The following TTC29 variants were observed in gnomAD, a reference collection of about 807,000 sequenced individuals.
TTC29 encodes the protein tetratricopeptide repeat domain 29, also known as tetratricopeptide repeat protein 29.
TTC29 carries 49 observed loss-of-function variants against 58.1 expected under a neutral mutation model. The ratio of observed to expected loss-of-function variants is 0.84; its 90% CI spans 0.67 to 1.07. TTC29 has a LOEUF of 1.07. Among genes scored for constraint, TTC29 ranks in the 50% least tolerant of loss-of-function variants. The pLI is 0.00. For missense variants in TTC29, 582 were observed against 555.6 expected, an observed-to-expected ratio of 1.05 and a Z score of -0.48; for synonymous variants, 209 against 196.8, an observed-to-expected ratio of 1.06 and a Z score of -0.52.
At position 146,742,595 on chromosome 4, in the gene TTC29, TTCCTTCCCTCC is replaced by T. The variant is rs1453298350; in HGVS notation, c.1331-35055_1331-35045del. On this transcript the variant is annotated intron_variant, in intron 11 of 12. Transcript: ENST00000325106. ...TCACCCACTTCCTTCCTTCCCTCCC[TTCCTTCCCTCC>T]CTTCCTTCCCTCCCTTCCTTCCTTC... Among the ~76,000 whole-genome samples the T allele has an allele frequency of 4.0e-5, 6 of 150,722 alleles. No individual in the cohort carries two copies. In the East Asian group the frequency reaches 1.2e-3, roughly 29 times the overall value.
intron 11 of TTC29, among the ~76,000 whole-genome samples, chr4:146,732,248 GT>G (rs1488571559): frequency 1.3e-5 from 2 of 152,218 alleles, no homozygotes; most frequent in African/African-American, 2.4e-5. Flanking sequence ...GATATCTATA[GT>G]TGTGGGCTTA....
chr4:146,791,174 AAAC>A (rs1749421294), intron 11 of TTC29, among the ~76,000 whole-genome samples: 1 of 152,212 alleles, frequency 6.6e-6, no homozygotes, highest in African/African-American at 2.4e-5. Context: ...ATTTTGTTAC[AAAC>A]ATGCACTGTT....
Position 146,934,579 on chromosome 4 carries a change from A to G in TTC29, c.176+3015T>C, listed in dbSNP as rs542106425. 2.6e-5 allele frequency among the ~76,000 whole-genome samples: 4 copies of G among 152,298 alleles called. No individual in the cohort carries two copies. The South Asian group carries it at 6.2e-4, about 24-fold the overall frequency. On this transcript the variant is annotated intron_variant, in intron 4 of 12. Coordinates refer to ENST00000325106, the MANE Select transcript of TTC29 (RefSeq NM_031956.4). ...TTGAGTAGCCGTTGGGTTATTGCTA[A>G]TGTTTAAAGCTGTAAGACTGGGTCC...
At chr4:146,882,120 CA>C (rs1370180035) in intron 6 of TTC29, among the ~76,000 whole-genome samples, 7 of 152,138 alleles carry the variant, frequency 4.6e-5, no homozygotes, top group African/African-American at 7.2e-5. Context: ...AATAAAAGTT[CA>C]TTTTTTTAAA....
Position 146,902,473 on chromosome 4 carries a change from G to A in TTC29, c.586+1071C>T, listed in dbSNP as rs1337838564. 2.0e-5 allele frequency among the ~76,000 whole-genome samples: 3 copies of A among 152,072 alleles called. No homozygotes were observed. In the East Asian group the frequency reaches 5.8e-4, roughly 29 times the overall value. ...AGTTAAAAAAATAATTTAACTATTC[G>A]AAGAAACACTCCACACTTCCCACTG... On this transcript the variant is annotated intron_variant, in intron 6 of 12. Coordinates refer to ENST00000325106, the MANE Select transcript of TTC29 (RefSeq NM_031956.4).
intron 10 of TTC29, among the ~76,000 whole-genome samples, chr4:146,811,217 T>G (rs1164538811): frequency 6.6e-6 from 1 of 152,196 alleles, no homozygotes; most frequent in Non-Finnish European, 1.5e-5. Context: ...ATGGCTCTTA[T>G]GAAGCATGGG....
intron 8 of TTC29, 112 bp downstream of exon 8, chr4:146,867,386 A>G: frequency 2.1e-6 from 1 of 482,944 alleles, no homozygotes; most frequent in Non-Finnish European, 3.6e-6. Flanking sequence ...AAATAGGCAC[A>G]CCTATGTCAG....
In TTC29 at chr4:146,874,751, T is replaced by C. The variant is rs36060598; in HGVS notation, c.764A>G (p.Lys255Arg). The C allele has an allele frequency of 4.2e-3, 6,691 of 1,607,590 alleles. 224 individuals are homozygous for C. The African/African-American group carries it at 0.072, about 17-fold the overall frequency. ...TATTTCAGAAGCTTTTATTAGAATT[T>C]TGATGGCCTGTTTGTATTCTTTATT... ...LENKEYKQAIKILIKASEIAK... is the reference protein window; with the variant it reads ...LENKEYKQAIRILIKASEIAK... The change falls in exon 7 of 13, where the codon AAA becomes AGA. Residue 255 changes from lysine to arginine, a missense_variant. By Grantham distance (26) the Lys-to-Arg change is conservative (BLOSUM62 2). Coordinates refer to ENST00000325106, the MANE Select transcript of TTC29 (RefSeq NM_031956.4).
At chr4:146,808,987 T>C (rs946619081) in intron 10 of TTC29, among the ~76,000 whole-genome samples, 12 of 151,930 alleles carry the variant, frequency 7.9e-5, no homozygotes, top group South Asian at 4.2e-4. Flanking sequence ...CTTCAAACTA[T>C]ACTACAAGGC....
chr4:146,769,947 A>G (rs1327114936), intron 11 of TTC29, among the ~76,000 whole-genome samples: 1 of 152,066 alleles, frequency 6.6e-6, no homozygotes, highest in Admixed American at 6.6e-5. Context: ...TTAAGTAGGC[A>G]GGCTAAACAT....
chr4:146,729,639 A>G (rs1428394010), intron 11 of TTC29, among the ~76,000 whole-genome samples: 2 of 152,070 alleles, frequency 1.3e-5, no homozygotes, highest in East Asian at 3.9e-4. Context: ...ACTGCCTGAG[A>G]CTGGGTAATT....
At chr4:146,925,837 G>A (rs1024322170) in intron 4 of TTC29, among the ~76,000 whole-genome samples, 1 of 152,092 alleles carries the variant, frequency 6.6e-6, no homozygotes, top group Non-Finnish European at 1.5e-5. Flanking sequence ...TGGAAATACT[G>A]GAAAAGTCTG....
intron 8 of TTC29, among the ~76,000 whole-genome samples, chr4:146,855,829 G>C (rs1276210188): frequency 6.6e-6 from 1 of 152,086 alleles, no homozygotes; most frequent in Non-Finnish European, 1.5e-5. Context: ...TACATAATTT[G>C]GCTAAATTTG....
intron 8 of TTC29, among the ~76,000 whole-genome samples, chr4:146,857,965 A>T (rs1471259672): frequency 6.6e-6 from 1 of 152,214 alleles, no homozygotes; most frequent in African/African-American, 2.4e-5. Context: ...ACATATCATA[A>T]ATAGTAAATT....
Position 146,909,068 on chromosome 4 carries a change from G to C in TTC29, c.358C>G (p.Leu120Val). ...LEEQPDKLDY[L>V]YHYLTRAEDA... ...TCAGCCCTGGTCAGGTAATGGTACA[G>C]GTAATCCAGTTTATCAGGCTGCTCC... Residue 120 changes from leucine to valine, a missense_variant, in exon 5 of 13, where the codon CTG becomes GTG. By Grantham distance (32) the Leu-to-Val change is conservative. Transcript: ENST00000325106. 1 of 1,613,872 alleles carries C rather than the reference G, an allele frequency of 6.2e-7. No individual in the cohort carries two copies. The highest frequency in any genetic ancestry group is 8.5e-7 in the Non-Finnish European group (1 of 1,179,844).
intron 9 of TTC29, among the ~76,000 whole-genome samples, chr4:146,825,897 C>T (rs1477479516): frequency 6.6e-6 from 1 of 151,322 alleles, no homozygotes; most frequent in African/African-American, 2.4e-5. Flanking sequence ...GGTTTAAAGT[C>T]TGCTTTGTCA....
intron 11 of TTC29, among the ~76,000 whole-genome samples, chr4:146,794,870 C>T (rs1194009653): frequency 2.0e-5 from 3 of 151,856 alleles, no homozygotes; most frequent in Non-Finnish European, 2.9e-5. Flanking sequence ...TGGAAATGCA[C>T]AGTCTTAATT....
At chr4:146,872,078 A>G (rs1579876597) in intron 7 of TTC29, among the ~76,000 whole-genome samples, 1 of 152,112 alleles carries the variant, frequency 6.6e-6, no homozygotes, top group Admixed American at 6.6e-5. Flanking sequence ...TAGAATTGAG[A>G]ATCCAGACAC....
rs571611115 is a variant in TTC29, at chr4:146,722,800, C to T, written c.1331-15249G>A. On this transcript the variant is annotated intron_variant, in intron 11 of 12. Coordinates refer to ENST00000325106, the MANE Select transcript of TTC29 (RefSeq NM_031956.4). ...GCAGCCTCTGCTTCCTGGGTTCAAG[C>T]AATTCTCCTTCCTCAGCCACCTCAG... is the stretch of plus-strand genomic sequence containing the variant. Among the ~76,000 whole-genome samples the T allele has an allele frequency of 1.6e-3, 245 of 152,236 alleles. 1 individual carries two copies. The highest frequency in any genetic ancestry group is 2.5e-3 in the Non-Finnish European group (168 of 68,028).
Sources: gnomAD v4.1 joint callset for allele counts (sites outside exome capture counted in the v4.1 genomes callset) on GRCh38, gnomAD v4.1.1 for gene constraint, MANE v1.5 for transcripts, NCBI Gene and HGNC (gene_info 2026-07-23, HGNC 2026-07-21) for gene names.